Variants in ANKH observed in about 807,000 individuals in gnomAD.
ANKH encodes the protein ANKH inorganic pyrophosphate transport regulator.
ANKH carries 15 observed loss-of-function variants against 49.0 expected under a neutral mutation model. The observed-to-expected ratio is 0.31, with a 90% CI of 0.20 to 0.47. The LOEUF (loss-of-function observed/expected upper bound fraction) is 0.47, where lower values mean the gene tolerates loss of function less well. ANKH is among the 20% of genes least tolerant of loss of function. The pLI, the probability that ANKH is intolerant of heterozygous loss-of-function variation, is 1.00. For missense variants in ANKH, 429 were observed against 652.0 expected (o/e 0.66, Z 3.72); for synonymous variants, 273 against 260.0 (o/e 1.05, Z -0.48).
chr5:14,746,473 A>C (rs7734375), intron 6 of ANKH, among the ~76,000 whole-genome samples: 1 of 151,956 alleles, frequency 6.6e-6, no homozygotes, highest in African/African-American at 2.4e-5. Context: ...AGCCAGTTTA[A>C]TGATCTGCGT....
chr5:14,767,301 G>T lies in ANKH; in HGVS notation c.313+1674C>A, dbSNP rs980016019. On this transcript the variant is annotated intron_variant, in intron 2 of 11. Coordinates refer to ENST00000284268, the MANE Select transcript of ANKH (RefSeq NM_054027.6). ...GACTTAGGCAGAAAATGGTAAGGAG[G>T]CCAACACTCTAGAAAAGGGTACATC... Among the ~76,000 whole-genome samples, 8 of 152,262 alleles carry T rather than the reference G, an allele frequency of 5.3e-5. No individual in the cohort carries two copies. In the East Asian group the frequency reaches 1.5e-3, roughly 29 times the overall value.
At chr5:14,864,372 C>T (rs1017466934) in intron 1 of ANKH, among the ~76,000 whole-genome samples, 2 of 152,180 alleles carry the variant, frequency 1.3e-5, no homozygotes, top group Admixed American at 6.5e-5. Context: ...AATGAGTAAA[C>T]GAGTAAACAA....
intron 1 of ANKH, among the ~76,000 whole-genome samples, chr5:14,784,529 T>G (rs182569633): frequency 6.6e-6 from 1 of 152,198 alleles, no homozygotes; most frequent in African/African-American, 2.4e-5. Flanking sequence ...AAAATAATTA[T>G]CATTAAAAGA....
chr5:14,753,764 T>C (rs1272178126), intron 4 of ANKH, among the ~76,000 whole-genome samples: 1 of 152,208 alleles, frequency 6.6e-6, no homozygotes, highest in East Asian at 1.9e-4. Flanking sequence ...TTTTGTATTA[T>C]TGTGTGAAGC....
chr5:14,838,238 T>C (rs1741713757), intron 1 of ANKH, among the ~76,000 whole-genome samples: 2 of 151,884 alleles, frequency 1.3e-5, no homozygotes, highest in Non-Finnish European at 2.9e-5. Flanking sequence ...GTTGTGCACA[T>C]GTACCCTAGA....
At chr5:14,827,140 C>T (rs900003490) in intron 1 of ANKH, among the ~76,000 whole-genome samples, 4 of 152,220 alleles carry the variant, frequency 2.6e-5, no homozygotes, top group South Asian at 4.1e-4. Flanking sequence ...TCTGGCAGTT[C>T]GCACACTCCA....
chr5:14,711,118 T>C lies in ANKH; in HGVS notation c.*79A>G. On this transcript the variant is annotated 3_prime_UTR_variant, in exon 12 of 12. Coordinates refer to ENST00000284268, the MANE Select transcript of ANKH (RefSeq NM_054027.6). ...ACAAAACAAAAAAAAGGGAACAAAATACGATGGGAGAGGGAAGAGATGATG... is the reference window on the plus strand; with the variant it reads ...ACAAAACAAAAAAAAGGGAACAAAACACGATGGGAGAGGGAAGAGATGATG... The C allele has an allele frequency of 8.1e-7, 1 of 1,238,844 alleles. No homozygotes were observed. The highest frequency in any genetic ancestry group is 1.2e-5 in the South Asian group (1 of 83,682). 76.7% of individuals were successfully genotyped at this position (1,238,844 alleles called of 1,614,324 possible). A position where few individuals can be genotyped will look rare whatever the true frequency, so the allele number is the denominator to read the frequency against.
In ANKH at chr5:14,768,501, A is replaced by G. The variant is rs143030555; in HGVS notation, c.313+474T>C. The G allele has an allele frequency of 4.9e-5, 10 of 202,214 alleles. No homozygotes were observed. In the East Asian group the frequency reaches 1.0e-3, roughly 20 times the overall value. 12.5% of individuals were successfully genotyped at this position (202,214 alleles called of 1,614,324 possible). A position where few individuals can be genotyped will look rare whatever the true frequency, so the allele number is the denominator to read the frequency against. Reference sequence around the variant, plus strand: ...GTTTCATGGAAAGAATGCTATCACAAGAGCATTTAGTCTTGTCTTTGAATA... The same window carrying G: ...GTTTCATGGAAAGAATGCTATCACAGGAGCATTTAGTCTTGTCTTTGAATA... On this transcript the variant is annotated intron_variant, in intron 2 of 11. Coordinates refer to ENST00000284268, the MANE Select transcript of ANKH (RefSeq NM_054027.6).
chr5:14,846,483 GA>G (rs1328826461), intron 1 of ANKH, among the ~76,000 whole-genome samples: 1 of 152,178 alleles, frequency 6.6e-6, no homozygotes, highest in African/African-American at 2.4e-5. Context: ...TTAATATCGT[GA>G]TTTTTAGTCC....
At chr5:14,799,959 G>T (rs557353741) in intron 1 of ANKH, among the ~76,000 whole-genome samples, 10 of 152,174 alleles carry the variant, frequency 6.6e-5, no homozygotes, top group African/African-American at 2.4e-4. Context: ...AAACCTTCTG[G>T]AAAGAAGTCA....
At chr5:14,803,096 G>C (rs957129383) in intron 1 of ANKH, among the ~76,000 whole-genome samples, 1 of 152,166 alleles carries the variant, frequency 6.6e-6, no homozygotes, top group South Asian at 2.1e-4. Flanking sequence ...CATCCAGCAT[G>C]TAAGTATATT....
chr5:14,747,869 G>A (rs1488329967), intron 6 of ANKH, among the ~76,000 whole-genome samples: 2 of 152,094 alleles, frequency 1.3e-5, no homozygotes, highest in African/African-American at 4.8e-5. Context: ...CCAGCTGTGC[G>A]AAGCACCACC....
chr5:14,724,469 C>A, intron 8 of ANKH: 4 of 831,684 alleles, frequency 4.8e-6, no homozygotes, highest in Non-Finnish European at 5.8e-6. Flanking sequence ...ACTTTGACCA[C>A]ATATTAAGGT....
At chr5:14,854,508 A>C (rs1166551113) in intron 1 of ANKH, among the ~76,000 whole-genome samples, 1 of 152,090 alleles carries the variant, frequency 6.6e-6, no homozygotes, top group Admixed American at 6.6e-5. Flanking sequence ...ACCAGGACCC[A>C]GTCTCTACAA....
chr5:14,860,180 C>CA (rs1291503230), intron 1 of ANKH, among the ~76,000 whole-genome samples: 4 of 152,202 alleles, frequency 2.6e-5, no homozygotes, highest in Admixed American at 6.5e-5. Flanking sequence ...AGGCTGCATC[C>CA]AAAACCATCC....
chr5:14,716,697 T>C lies in ANKH; in HGVS notation c.1141+9A>G, dbSNP rs1561021169. ...ACAGGAATGCTTCCTTCATTCTGTTTTTCTTTACCTGGAACTGGGAAGAAG... is the reference window on the plus strand; with the variant it reads ...ACAGGAATGCTTCCTTCATTCTGTTCTTCTTTACCTGGAACTGGGAAGAAG... On this transcript the variant is annotated intron_variant, in intron 9 of 11. Transcript: ENST00000284268. The C allele has an allele frequency of 2.5e-6, 4 of 1,614,000 alleles. No homozygotes were observed. The highest frequency in any genetic ancestry group is 3.4e-6 in the Non-Finnish European group (4 of 1,179,892).
rs1561048063 is a variant in ANKH at position 14,771,932 on chromosome 5, A to AC, written c.97-2742_97-2741insG. On this transcript the variant is annotated intron_variant, in intron 1 of 11. Coordinates refer to ENST00000284268, the MANE Select transcript of ANKH (RefSeq NM_054027.6). ...GTGTCTCAAAAAAAGAAAAAAAAAA[A>AC]AAAAAAAAAAAAAAACCAAAACAAA... Among the ~76,000 whole-genome samples the AC allele has an allele frequency of 1.1e-4, 14 of 131,174 alleles. No individual in the cohort carries two copies. The South Asian group carries it at 1.2e-3, about 11-fold the overall frequency. 86.1% of individuals were successfully genotyped at this position (131,174 alleles called of 152,430 possible).
At chr5:14,761,808 C>T (rs1739090376) in intron 2 of ANKH, among the ~76,000 whole-genome samples, 2 of 151,360 alleles carry the variant, frequency 1.3e-5, no homozygotes, top group South Asian at 4.2e-4. Context: ...CTGTCTCGCC[C>T]AGGGTGGAAT....
At chr5:14,850,870 G>GA (rs879500963) in intron 1 of ANKH, among the ~76,000 whole-genome samples, 39 of 148,778 alleles carry the variant, frequency 2.6e-4, no homozygotes, top group Non-Finnish European at 4.5e-4. Context: ...CCCTCATCGA[G>GA]TTTTTTTTTT....
Sources: gnomAD v4.1 joint callset for allele counts (sites outside exome capture counted in the v4.1 genomes callset) on GRCh38, gnomAD v4.1.1 for gene constraint, MANE v1.5 for transcripts, NCBI Gene and HGNC (gene_info 2026-07-23, HGNC 2026-07-21) for gene names.